Variants in KLHL29 observed in about 807,000 individuals in gnomAD.
The protein encoded by KLHL29 is kelch-like protein 29.
Under a neutral mutation model 80.4 loss-of-function variants are expected in KLHL29, and 21 were observed. The observed-to-expected ratio is 0.26, with a 90% CI of 0.19 to 0.38. The LOEUF (loss-of-function observed/expected upper bound fraction) is 0.38. Ranked by LOEUF, KLHL29 falls within the 10% of genes least tolerant of loss-of-function variation. The pLI, the probability that KLHL29 is intolerant of heterozygous loss-of-function variation, is 1.00. For synonymous variants in KLHL29, 511 were observed against 526.8 expected (o/e 0.97, Z 0.41); for missense variants, 867 against 1,223.9 (o/e 0.71, Z 4.35).
chr2:23,399,561 GTTTA>G (rs1666538213), intron 1 of KLHL29, among the ~76,000 whole-genome samples: 1 of 152,188 alleles, frequency 6.6e-6, no homozygotes, highest in South Asian at 2.1e-4. Context: ...ATTGCATTGC[GTTTA>G]TTTATTATTA....
At chr2:23,619,235 G>T (rs1196568666) in intron 3 of KLHL29, among the ~76,000 whole-genome samples, 1 of 152,258 alleles carries the variant, frequency 6.6e-6, no homozygotes, top group Non-Finnish European at 1.5e-5. Context: ...TCTTCCTGCA[G>T]CAGGTGAGGC....
At chr2:23,519,108 C>T (rs974639769) in intron 2 of KLHL29, among the ~76,000 whole-genome samples, 1 of 152,158 alleles carries the variant, frequency 6.6e-6, no homozygotes, top group African/African-American at 2.4e-5. Flanking sequence ...AGTCTCAAGG[C>T]TTTTCTCATG....
In KLHL29 at chr2:23,706,490, G is replaced by A. The variant is rs779643148; in HGVS notation, c.2454G>A (p.Val818=). 1 of 1,529,808 alleles carries A rather than the reference G, an allele frequency of 6.5e-7. No individual in the cohort carries two copies. The highest frequency in any genetic ancestry group is 8.7e-7 in the Non-Finnish European group (1 of 1,143,080). 94.8% of individuals were successfully genotyped at this position (1,529,808 alleles called of 1,614,324 possible). The change falls in exon 14 of 14, where the codon GTG becomes GTA. Residue 818 remains valine, a synonymous_variant. Transcript: ENST00000486442. ...CGCTTTCCCCCAACAGTGCTGTGGT[G>A]CTTGATGGCAAGATTTATGCAACTG... ...NHSRQFCSAV[V]LDGKIYATGG... is the part of the protein sequence containing the mutation.
At chr2:23,654,783 C>A (rs1670194678) in intron 5 of KLHL29, among the ~76,000 whole-genome samples, 1 of 151,552 alleles carries the variant, frequency 6.6e-6, no homozygotes, top group Admixed American at 6.6e-5. Flanking sequence ...CTTGCATCTG[C>A]CCTGAGAGGC....
intron 3 of KLHL29, among the ~76,000 whole-genome samples, chr2:23,569,278 G>T (rs1166183222): frequency 2.0e-5 from 3 of 152,222 alleles, no homozygotes; most frequent in Non-Finnish European, 4.4e-5. Context: ...CTGAAATCAG[G>T]AAAGGGAGCC....
chr2:23,503,487 C>T lies in KLHL29; in HGVS notation c.-46+27820C>T, dbSNP rs756972112. Among the ~76,000 whole-genome samples the T allele has an allele frequency of 2.0e-5, 3 of 152,078 alleles. No homozygotes were observed. The highest frequency in any genetic ancestry group is 1.9e-4 in the East Asian group (1 of 5,196). On this transcript the variant is annotated intron_variant, in intron 2 of 13. Transcript: ENST00000486442. This position sits in a 1 kb window ranked among gnomAD's most constrained non-coding sequence, Gnocchi z 4.0. ...AGACACTCAGACTGGAAAATACAGA[C>T]GAGGCCATAGAAGTTAGTGTTGTCC...
intron 5 of KLHL29, among the ~76,000 whole-genome samples, chr2:23,645,801 A>G (rs1010506084): frequency 2.6e-5 from 4 of 152,194 alleles, no homozygotes; most frequent in East Asian, 1.9e-4. Context: ...CCTTTCCAAA[A>G]AGGGCGTTGG....
chr2:23,509,293 G>T (rs774235103), intron 2 of KLHL29, among the ~76,000 whole-genome samples: 1 of 152,188 alleles, frequency 6.6e-6, no homozygotes, highest in Non-Finnish European at 1.5e-5. Flanking sequence ...CCCAGCTGAG[G>T]CTGGGAAGTG....
At chr2:23,446,658 G>A (rs930545544) in intron 1 of KLHL29, among the ~76,000 whole-genome samples, 7 of 152,160 alleles carry the variant, frequency 4.6e-5, no homozygotes, top group African/African-American at 1.2e-4. Context: ...TGAGGGATGT[G>A]CTAAGGAAAA....
intron 2 of KLHL29, among the ~76,000 whole-genome samples, chr2:23,556,031 G>A (rs1427122849): frequency 6.6e-6 from 1 of 152,224 alleles, no homozygotes; most frequent in Non-Finnish European, 1.5e-5. Context: ...ATTCCAAGAA[G>A]TGCTTCTGCC....
At chr2:23,548,811 C>T (rs916936442) in intron 2 of KLHL29, among the ~76,000 whole-genome samples, 6 of 152,226 alleles carry the variant, frequency 3.9e-5, no homozygotes, top group Non-Finnish European at 7.3e-5. Flanking sequence ...TATTTTTAAG[C>T]GGCTAAAATA....
At chr2:23,587,335 G>A (rs1160040112) in intron 3 of KLHL29, among the ~76,000 whole-genome samples, 1 of 151,708 alleles carries the variant, frequency 6.6e-6, no homozygotes, top group Non-Finnish European at 1.5e-5. Context: ...GGAGGTGAGC[G>A]TGGTGGAGTG....
intron 5 of KLHL29, among the ~76,000 whole-genome samples, chr2:23,673,458 CAT>C (rs1296881120): frequency 6.6e-6 from 1 of 151,696 alleles, no homozygotes; most frequent in African/African-American, 2.4e-5. Flanking sequence ...CTCTCTCACA[CAT>C]ACACACATGG....
In KLHL29 at chr2:23,575,159, G is replaced by A. The variant is rs73919767; in HGVS notation, c.285+12678G>A. Among the ~76,000 whole-genome samples, 621 of 152,350 alleles carry A rather than the reference G, an allele frequency of 4.1e-3. 2 individuals are homozygous for A. The highest frequency in any genetic ancestry group is 0.014 in the African/African-American group (587 of 41,578). On this transcript the variant is annotated intron_variant, in intron 3 of 13. Transcript: ENST00000486442. ...AAGTTTACTGCCAAGCACAGTGGGC[G>A]GGTCAGGCCCTTAAGAAAGAGGGTT...
chr2:23,501,880 C>T (rs932168509), intron 2 of KLHL29, among the ~76,000 whole-genome samples: 63 of 152,324 alleles, frequency 4.1e-4, no homozygotes, highest in African/African-American at 1.4e-3. Flanking sequence ...CCCCCTCGTG[C>T]CCCTTCCCAG....
chr2:23,406,845 T>G (rs1262977990), intron 1 of KLHL29, among the ~76,000 whole-genome samples: 1 of 152,228 alleles, frequency 6.6e-6, no homozygotes, highest in African/African-American at 2.4e-5. Flanking sequence ...TCTTTAAAAT[T>G]ATGTAACTTT....
chr2:23,589,521 G>A (rs1027306061), intron 3 of KLHL29, among the ~76,000 whole-genome samples: 1 of 152,250 alleles, frequency 6.6e-6, no homozygotes, highest in East Asian at 1.9e-4. Flanking sequence ...GTGGAGATGT[G>A]AAACGTGGCA....
chr2:23,437,625 G>T (rs576677666), intron 1 of KLHL29, among the ~76,000 whole-genome samples: 1 of 152,300 alleles, frequency 6.6e-6, no homozygotes, highest in South Asian at 2.1e-4. Flanking sequence ...TTTATATATT[G>T]CTGTGCAAAA....
At chr2:23,652,854 T>A (rs147513972) in intron 5 of KLHL29, among the ~76,000 whole-genome samples, 1 of 152,178 alleles carries the variant, frequency 6.6e-6, no homozygotes, top group Admixed American at 6.5e-5. Flanking sequence ...ACCTCCTCCT[T>A]TTTATCAGGA....
Sources: allele counts gnomAD v4.1 joint callset (sites outside exome capture counted in the v4.1 genomes callset), GRCh38; gene constraint gnomAD v4.1.1; non-coding constraint Gnocchi (gnomAD v3.1); transcripts MANE v1.5; gene names NCBI Gene and HGNC (gene_info 2026-07-23, HGNC 2026-07-21).